The following PLCB4 variants were observed in gnomAD, a reference collection of about 807,000 sequenced individuals.
PLCB4 encodes the protein 1-phosphatidylinositol 4,5-bisphosphate phosphodiesterase beta-4.
A neutral mutation model predicts 178.8 loss-of-function variants in PLCB4; 77 were observed. The observed-to-expected ratio is 0.43, with a 90% CI of 0.36 to 0.52. The LOEUF is 0.52. Ranked by LOEUF, PLCB4 falls within the 20% of genes least tolerant of loss-of-function variation. The probability of loss-of-function intolerance (pLI) is 0.00; values close to 1 mark genes in which losing one functional copy is unlikely to be tolerated. For missense variants in PLCB4, 1,024 were observed against 1,453.4 expected (o/e 0.70, Z 4.80); for synonymous variants, 496 against 490.8 (o/e 1.01, Z -0.14).
chr20:9,280,529 T>C, intron 3 of PLCB4: 6 of 853,290 alleles, frequency 7.0e-6, no homozygotes, highest in Non-Finnish European at 8.5e-6. Context: ...TAGTTGAAGT[T>C]AGCAAACAGG....
At chr20:9,244,784 T>C (rs1039980755) in intron 3 of PLCB4, among the ~76,000 whole-genome samples, 2 of 152,250 alleles carry the variant, frequency 1.3e-5, no homozygotes, top group African/African-American at 4.8e-5. Context: ...TTTGCAGTGC[T>C]TGAATTCTGA....
intron 20 of PLCB4, among the ~76,000 whole-genome samples, chr20:9,403,954 G>A (rs1448596792): frequency 6.6e-6 from 1 of 152,202 alleles, no homozygotes; most frequent in Admixed American, 6.5e-5. Flanking sequence ...GTGCCAGGCA[G>A]GGTGGTGACA....
chr20:9,298,800 G>A (rs903033588), intron 3 of PLCB4, among the ~76,000 whole-genome samples: 1 of 152,006 alleles, frequency 6.6e-6, no homozygotes, highest in South Asian at 2.1e-4. Flanking sequence ...ATTGAGGTAC[G>A]AGAGGCAGGG....
At chr20:9,381,406 G>A (rs2037130792) in intron 13 of PLCB4, among the ~76,000 whole-genome samples, 2 of 152,154 alleles carry the variant, frequency 1.3e-5, no homozygotes, top group Admixed American at 1.3e-4. Context: ...AGTTTGTAGA[G>A]GGCTGACCGG....
At chr20:9,322,980 A>G (rs1013843430) in intron 4 of PLCB4, among the ~76,000 whole-genome samples, 13 of 152,374 alleles carry the variant, frequency 8.5e-5, no homozygotes, top group African/African-American at 3.1e-4. Flanking sequence ...CATTGCCATC[A>G]TAAGGAATAA....
intron 3 of PLCB4, among the ~76,000 whole-genome samples, chr20:9,248,215 A>G (rs1350222915): frequency 6.6e-6 from 1 of 152,286 alleles, no homozygotes; most frequent in East Asian, 1.9e-4. Flanking sequence ...CATCGAAAGT[A>G]TGTGTATGTG....
intron 3 of PLCB4, among the ~76,000 whole-genome samples, chr20:9,285,900 A>G (rs2094532517): frequency 6.6e-6 from 1 of 152,040 alleles, no homozygotes; most frequent in South Asian, 2.1e-4. Context: ...TGTGAAATAG[A>G]ACAATGCCAT....
rs146254872 is a variant in PLCB4, at chr20:9,357,828, A to T, written c.370-5068A>T. On this transcript the variant is annotated intron_variant, in intron 7 of 39. Coordinates refer to ENST00000378473, the MANE Select transcript of PLCB4 (RefSeq NM_001377142.1). ...TGCTTATAAGCTACCCATATATTGTATTTTGTTGTGTGTCAAACAAAGACA... is the reference window on the plus strand; with the variant it reads ...TGCTTATAAGCTACCCATATATTGTTTTTTGTTGTGTGTCAAACAAAGACA... 9.9e-4 allele frequency among the ~76,000 whole-genome samples: 151 copies of T among 152,260 alleles called. 2 individuals are homozygous for T. In the Middle Eastern group the frequency reaches 0.014, roughly 14 times the overall value.
intron 2 of PLCB4, among the ~76,000 whole-genome samples, chr20:9,126,397 A>G (rs907695484): frequency 6.6e-6 from 1 of 152,132 alleles, no homozygotes; most frequent in Non-Finnish European, 1.5e-5. Context: ...AAAATGTTAT[A>G]TGGCTCCTTC....
intron 39 of PLCB4, among the ~76,000 whole-genome samples, chr20:9,478,546 C>T (rs1427973815): frequency 1.3e-5 from 2 of 152,132 alleles, no homozygotes; most frequent in African/African-American, 2.4e-5. Context: ...GTCAAAGCAA[C>T]GTGTCAATCT....
intron 2 of PLCB4, among the ~76,000 whole-genome samples, chr20:9,103,048 G>A (rs996207359): frequency 9.8e-5 from 14 of 142,598 alleles, no homozygotes; most frequent in Non-Finnish European, 1.5e-4. Context: ...TTTTTGAGAC[G>A]GAGTCTTGCT....
intron 25 of PLCB4, among the ~76,000 whole-genome samples, chr20:9,412,147 C>T (rs2039904848): frequency 6.6e-6 from 1 of 152,222 alleles, no homozygotes; most frequent in Non-Finnish European, 1.5e-5. Context: ...AATTGTGTAG[C>T]TGGGAAGAGA....
At chr20:9,221,320 A>G (rs1435731885) in intron 3 of PLCB4, among the ~76,000 whole-genome samples, 1 of 152,184 alleles carries the variant, frequency 6.6e-6, no homozygotes, top group Non-Finnish European at 1.5e-5. Context: ...AGAGGGCTAT[A>G]AACTTCCAAG....
chr20:9,441,972 G>T (rs1482862193), intron 30 of PLCB4, among the ~76,000 whole-genome samples: 1 of 151,770 alleles, frequency 6.6e-6, no homozygotes, highest in Non-Finnish European at 1.5e-5. Flanking sequence ...CTAACTTCCA[G>T]ATTAGCAATT....
chr20:9,181,463 A>T (rs529381409), intron 2 of PLCB4, among the ~76,000 whole-genome samples: 17 of 152,166 alleles, frequency 1.1e-4, no homozygotes, highest in Non-Finnish European at 2.5e-4. Flanking sequence ...ACAAAATGCC[A>T]TAGACTAGGT....
In PLCB4 at chr20:9,423,992, G is replaced by A. The variant is rs184997360; in HGVS notation, c.2524+40G>A. The A allele has an allele frequency of 9.7e-4, 1,181 of 1,216,180 alleles. 2 individuals are homozygous for A. The highest frequency in any genetic ancestry group is 1.3e-3 in the Non-Finnish European group (1,100 of 827,584). The allele number at this position is 1,216,180 out of a possible 1,614,324, so 75.3% of individuals were successfully genotyped here. The stretch of plus-strand genomic sequence containing the variant: ...TGGGTACGGAATATGATATAGATGA[G>A]GTCCTAGATTATAAGATTATAAAAC... On this transcript the variant is annotated intron_variant, in intron 28 of 39. Coordinates refer to ENST00000378473, the MANE Select transcript of PLCB4 (RefSeq NM_001377142.1).
At chr20:9,145,240 T>C (rs962858241) in intron 2 of PLCB4, among the ~76,000 whole-genome samples, 1 of 152,134 alleles carries the variant, frequency 6.6e-6, no homozygotes, top group African/African-American at 2.4e-5. Context: ...TTGTTTCCTG[T>C]GTCAAAGAGG....
intron 28 of PLCB4, among the ~76,000 whole-genome samples, chr20:9,429,336 A>G (rs2041240863): frequency 6.6e-6 from 1 of 152,158 alleles, no homozygotes; most frequent in Admixed American, 6.5e-5. Flanking sequence ...GCCGATCAGC[A>G]CTGGAAATGA....
chr20:9,382,234 A>G (rs2037204595), intron 13 of PLCB4, among the ~76,000 whole-genome samples: 1 of 152,154 alleles, frequency 6.6e-6, no homozygotes. Flanking sequence ...AATCCTAAAT[A>G]AATCACTTCT....
Sources: gnomAD v4.1 joint callset for allele counts (sites outside exome capture counted in the v4.1 genomes callset) on GRCh38, gnomAD v4.1.1 for gene constraint, MANE v1.5 for transcripts, NCBI Gene and HGNC (gene_info 2026-07-23, HGNC 2026-07-21) for gene names.